Variants in GALNT17 observed in about 807,000 individuals in gnomAD.
GALNT17 encodes the protein polypeptide N-acetylgalactosaminyltransferase 17.
Under a neutral mutation model 63.7 loss-of-function variants are expected in GALNT17, and 29 were observed. That is an observed-to-expected ratio of 0.46 (90% CI 0.34 to 0.62). The LOEUF (loss-of-function observed/expected upper bound fraction) is 0.62, where lower values mean the gene tolerates loss of function less well. GALNT17 is among the 20% of genes least tolerant of loss of function. The pLI is 0.01. For missense variants in GALNT17, 603 were observed against 799.6 expected, an observed-to-expected ratio of 0.75 and a Z score of 2.97; for synonymous variants, 305 against 318.3, an observed-to-expected ratio of 0.96 and a Z score of 0.45.
chr7:71,226,440 G>A (rs993710567), intron 1 of GALNT17, among the ~76,000 whole-genome samples: 1 of 152,106 alleles, frequency 6.6e-6, no homozygotes, highest in African/African-American at 2.4e-5. Flanking sequence ...CTATCTTCGT[G>A]GTCTAGGCCA....
At chr7:71,637,032 C>T (rs1790536911) in intron 6 of GALNT17, among the ~76,000 whole-genome samples, 2 of 152,120 alleles carry the variant, frequency 1.3e-5, no homozygotes, top group Admixed American at 1.3e-4. Context: ...CTCTCTGTGC[C>T]TCAGTTTCTT....
At chr7:71,343,435 T>A (rs149629574) in intron 2 of GALNT17, among the ~76,000 whole-genome samples, 1 of 152,360 alleles carries the variant, frequency 6.6e-6, no homozygotes, top group Non-Finnish European at 1.5e-5. Context: ...TATGAATGAA[T>A]GTTTAGGTAG....
chr7:71,685,256 C>T (rs1460931649), intron 9 of GALNT17, among the ~76,000 whole-genome samples: 1 of 152,134 alleles, frequency 6.6e-6, no homozygotes, highest in Non-Finnish European at 1.5e-5. Flanking sequence ...TTGGCAGAAG[C>T]AGGTGGTTCA....
At chr7:71,217,529 A>G (rs1789507070) in intron 1 of GALNT17, among the ~76,000 whole-genome samples, 2 of 151,814 alleles carry the variant, frequency 1.3e-5, no homozygotes, top group Admixed American at 1.3e-4. Flanking sequence ...ACCTTATATC[A>G]TTCTGGTTTT....
At chr7:71,423,126 A>T (rs1412939997) in intron 5 of GALNT17, among the ~76,000 whole-genome samples, 3 of 152,068 alleles carry the variant, frequency 2.0e-5, no homozygotes, top group Non-Finnish European at 4.4e-5. Flanking sequence ...TGGGCACAGG[A>T]TGGGGGACAG....
intron 5 of GALNT17, among the ~76,000 whole-genome samples, chr7:71,436,016 T>C (rs1786955346): frequency 2.0e-5 from 2 of 102,546 alleles, no homozygotes; most frequent in Non-Finnish European, 2.2e-5. Flanking sequence ...CGAGACTCCT[T>C]CTCAAAAAAA....
At chr7:71,244,896 G>A (rs569003428) in intron 1 of GALNT17, among the ~76,000 whole-genome samples, 1 of 151,914 alleles carries the variant, frequency 6.6e-6, no homozygotes, top group African/African-American at 2.4e-5. Context: ...GCTGCATTGA[G>A]CTATCATGGC....
intron 2 of GALNT17, among the ~76,000 whole-genome samples, chr7:71,351,462 A>G (rs2116181468): frequency 6.6e-6 from 1 of 152,158 alleles, no homozygotes; most frequent in South Asian, 2.1e-4. Context: ...TGCAGATGTA[A>G]TTAGTTAAAG....
chr7:71,221,505 G>A (rs572827723), intron 1 of GALNT17, among the ~76,000 whole-genome samples: 1 of 151,198 alleles, frequency 6.6e-6, no homozygotes, highest in African/African-American at 2.4e-5. Flanking sequence ...ATTCCACTCG[G>A]CTGACTTCTC....
chr7:71,132,887 C>A lies in GALNT17; in HGVS notation c.85C>A (p.Arg29=). ...CTTCGTGCTCTTCCTGGCCAAGTGCCGGCCCATCGCGGTGCGCAGCGGAGA... is the reference window on the plus strand; with the variant it reads ...CTTCGTGCTCTTCCTGGCCAAGTGCAGGCCCATCGCGGTGCGCAGCGGAGA... ...AGFVLFLAKC[R]PIAVRSGDAF... The change falls in exon 1 of 11, where the codon CGG becomes AGG. Residue 29 remains arginine (R), a synonymous_variant. Transcript: ENST00000333538. 3 of 1,613,014 alleles carry A rather than the reference C, an allele frequency of 1.9e-6. No homozygotes were observed. Among genetic ancestry groups the A allele is most frequent in the Non-Finnish European group, 2.5e-6 (3 of 1,179,538 alleles).
chr7:71,211,404 A>G (rs1392718709), intron 1 of GALNT17, among the ~76,000 whole-genome samples: 1 of 152,174 alleles, frequency 6.6e-6, no homozygotes, highest in Non-Finnish European at 1.5e-5. Context: ...TTCCCCAGCC[A>G]TGTGGAACTG....
At chr7:71,651,495 GGTTTCACCATGTT>G (rs1428821118) in intron 6 of GALNT17, among the ~76,000 whole-genome samples, 1 of 151,950 alleles carries the variant, frequency 6.6e-6, no homozygotes, top group Non-Finnish European at 1.5e-5. Context: ...GTAGACACGG[GGTTTCACCATGTT>G]GGCCAGGATG....
intron 6 of GALNT17, among the ~76,000 whole-genome samples, chr7:71,638,704 C>T (rs1161191523): frequency 6.6e-6 from 1 of 152,110 alleles, no homozygotes; most frequent in African/African-American, 2.4e-5. Context: ...TTTTGGTATT[C>T]TGGTTTTAGC....
At chr7:71,187,616 G>C (rs1031906703) in intron 1 of GALNT17, among the ~76,000 whole-genome samples, 21 of 152,110 alleles carry the variant, frequency 1.4e-4, no homozygotes, top group Non-Finnish European at 4.4e-5. Flanking sequence ...TCTTTTCAGA[G>C]TACACTTTGT....
At chr7:71,530,555 T>C (rs1304171018) in intron 5 of GALNT17, among the ~76,000 whole-genome samples, 2 of 148,196 alleles carry the variant, frequency 1.3e-5, no homozygotes, top group East Asian at 4.0e-4. Context: ...TATTTATTTA[T>C]TTATTTATTT....
chr7:71,425,756 TG>T (rs112176822), intron 5 of GALNT17, among the ~76,000 whole-genome samples: 2,757 of 152,282 alleles, frequency 0.018, 28 homozygotes, highest in African/African-American at 0.034. Context: ...AGTGGGCACC[TG>T]TGGTATGTAT....
chr7:71,206,187 A>G (rs2116380092), intron 1 of GALNT17, among the ~76,000 whole-genome samples: 1 of 150,526 alleles, frequency 6.6e-6, no homozygotes, highest in African/African-American at 2.4e-5. Flanking sequence ...ATATAAACAC[A>G]CACACCAAGT....
chr7:71,482,073 A>G (rs1465820125), intron 5 of GALNT17, among the ~76,000 whole-genome samples: 1 of 52,188 alleles, frequency 1.9e-5, no homozygotes, highest in Admixed American at 2.7e-4. Context: ...AGGTATACAT[A>G]TATGTATATG....
At chr7:71,482,243 G>A (rs1045405789) in intron 5 of GALNT17, among the ~76,000 whole-genome samples, 2 of 151,542 alleles carry the variant, frequency 1.3e-5, no homozygotes, top group Non-Finnish European at 2.9e-5. Context: ...TCTGCCTCCC[G>A]GGTTCAAGTG....
Sources: gnomAD v4.1 joint callset for allele counts (sites outside exome capture counted in the v4.1 genomes callset) on GRCh38, gnomAD v4.1.1 for gene constraint, MANE v1.5 for transcripts, NCBI Gene and HGNC (gene_info 2026-07-23, HGNC 2026-07-21) for gene names.